Variants in CNTNAP2 observed in about 807,000 individuals in gnomAD.
CNTNAP2 encodes the protein contactin-associated protein-like 2.
Under a neutral mutation model 155.2 loss-of-function variants are expected in CNTNAP2, and 98 were observed. That is an observed-to-expected ratio of 0.63 (90% CI 0.54 to 0.75). CNTNAP2 has a LOEUF of 0.75. CNTNAP2 is among the 30% of genes least tolerant of loss of function. CNTNAP2 has a pLI of 0.00. For synonymous variants in CNTNAP2, 651 were observed against 631.2 expected, an observed-to-expected ratio of 1.03 and a Z score of -0.47; for missense variants, 1,727 against 1,688.1, an observed-to-expected ratio of 1.02 and a Z score of -0.40.
At chr7:148,038,334 C>T (rs918437108) in intron 15 of CNTNAP2, among the ~76,000 whole-genome samples, 3 of 152,250 alleles carry the variant, frequency 2.0e-5, no homozygotes, top group Non-Finnish European at 4.4e-5. Context: ...GAATCTGTAC[C>T]TTTCCCAAGC....
At chr7:146,130,601 G>C (rs1328286071) in intron 1 of CNTNAP2, among the ~76,000 whole-genome samples, 1 of 152,200 alleles carries the variant, frequency 6.6e-6, no homozygotes, top group Non-Finnish European at 1.5e-5. Flanking sequence ...TATTGAAACA[G>C]CAAGCATTTT....
chr7:146,440,427 C>T (rs1639447), intron 1 of CNTNAP2, among the ~76,000 whole-genome samples: 5,639 of 151,336 alleles, frequency 0.037, 604 homozygotes, highest in African/African-American at 0.13. Context: ...TGACATTCAA[C>T]TTAAAATCCA....
intron 15 of CNTNAP2, among the ~76,000 whole-genome samples, chr7:148,105,432 G>A (rs911831459): frequency 7.2e-5 from 11 of 152,148 alleles, no homozygotes; most frequent in African/African-American, 2.7e-4. Flanking sequence ...CTGAGGCTAG[G>A]AGTAGAAAGA....
intron 1 of CNTNAP2, among the ~76,000 whole-genome samples, chr7:146,579,255 G>T (rs1032381154): frequency 1.3e-5 from 2 of 151,870 alleles, no homozygotes; most frequent in Admixed American, 6.6e-5. Flanking sequence ...TTTTAATTAA[G>T]TCTCAAACAG....
At chr7:148,368,959 C>A (rs367774040) in intron 21 of CNTNAP2, among the ~76,000 whole-genome samples, 1 of 152,104 alleles carries the variant, frequency 6.6e-6, no homozygotes, top group Admixed American at 6.5e-5. Flanking sequence ...GGGTCTGGTT[C>A]CTAGGCACTG....
At chr7:147,501,866 T>G (rs1465154258) in intron 11 of CNTNAP2, among the ~76,000 whole-genome samples, 1 of 152,156 alleles carries the variant, frequency 6.6e-6, no homozygotes, top group Non-Finnish European at 1.5e-5. Context: ...AACAAGCAAA[T>G]TCAGTAAAGT....
intron 1 of CNTNAP2, among the ~76,000 whole-genome samples, chr7:146,366,004 G>A (rs2129101839): frequency 6.6e-6 from 1 of 152,150 alleles, no homozygotes; most frequent in Middle Eastern, 3.4e-3. Flanking sequence ...CTATAATAAT[G>A]GGAGTATCCT....
chr7:146,349,049 ATAGTAAGTTAC>A (rs1794872610), intron 1 of CNTNAP2, among the ~76,000 whole-genome samples: 3 of 152,160 alleles, frequency 2.0e-5, no homozygotes, highest in Non-Finnish European at 4.4e-5. Flanking sequence ...CTGTTAGTTC[ATAGTAAGTTAC>A]CACAAGGCCT....
intron 4 of CNTNAP2, among the ~76,000 whole-genome samples, chr7:147,100,610 T>G (rs1800633263): frequency 6.6e-6 from 1 of 152,228 alleles, no homozygotes; most frequent in African/African-American, 2.4e-5. Flanking sequence ...CATGTTATGT[T>G]TAAACCATTT....
intron 1 of CNTNAP2, among the ~76,000 whole-genome samples, chr7:146,523,368 G>T (rs1401766415): frequency 6.6e-6 from 1 of 151,952 alleles, no homozygotes; most frequent in Non-Finnish European, 1.5e-5. Flanking sequence ...GACAAAATAT[G>T]ACTCCTTTTA....
At chr7:147,660,950 C>G (rs1389774406) in intron 13 of CNTNAP2, among the ~76,000 whole-genome samples, 1 of 152,144 alleles carries the variant, frequency 6.6e-6, no homozygotes, top group Non-Finnish European at 1.5e-5. Flanking sequence ...TCAGAATTCT[C>G]ATGCCCCCCT....
intron 1 of CNTNAP2, among the ~76,000 whole-genome samples, chr7:146,166,374 T>G (rs1798312652): frequency 6.6e-6 from 1 of 152,158 alleles, no homozygotes; most frequent in Non-Finnish European, 1.5e-5. Flanking sequence ...ATTACAGGCG[T>G]GAGCCACCAC....
intron 10 of CNTNAP2, among the ~76,000 whole-genome samples, chr7:147,420,290 G>A (rs2116506452): frequency 6.6e-6 from 1 of 152,224 alleles, no homozygotes; most frequent in Non-Finnish European, 1.5e-5. Flanking sequence ...AAGGTATTAG[G>A]TATAATTTTT....
chr7:148,374,621 C>T (rs1450719559), intron 21 of CNTNAP2, among the ~76,000 whole-genome samples: 3 of 152,108 alleles, frequency 2.0e-5, no homozygotes, highest in Non-Finnish European at 2.9e-5. Flanking sequence ...TTAGCAGAAG[C>T]GGAGCACACA....
intron 10 of CNTNAP2, among the ~76,000 whole-genome samples, chr7:147,448,987 A>G (rs1030525653): frequency 2.7e-5 from 4 of 146,786 alleles, no homozygotes; most frequent in African/African-American, 9.9e-5. Context: ...GTTCTAAATC[A>G]TGAAAACACT....
At chr7:146,304,157 G>C (rs193026073) in intron 1 of CNTNAP2, among the ~76,000 whole-genome samples, 72 of 140,360 alleles carry the variant, frequency 5.1e-4, no homozygotes, top group Admixed American at 1.2e-3. Flanking sequence ...TTGAGCCTAT[G>C]TGTGTCTCTG....
At chr7:148,145,562 C>A (rs968383460) in intron 16 of CNTNAP2, among the ~76,000 whole-genome samples, 2 of 152,182 alleles carry the variant, frequency 1.3e-5, no homozygotes, top group Admixed American at 1.3e-4. Context: ...ATGAAACAAT[C>A]TTTCCTACTT....
intron 8 of CNTNAP2, among the ~76,000 whole-genome samples, chr7:147,274,341 C>A (rs1804842894): frequency 6.6e-6 from 1 of 152,070 alleles, no homozygotes; most frequent in African/African-American, 2.4e-5. Flanking sequence ...TTAGTAATAG[C>A]CATTCTGACT....
At chr7:148,144,636 G>A (rs1805141354) in intron 16 of CNTNAP2, among the ~76,000 whole-genome samples, 1 of 152,182 alleles carries the variant, frequency 6.6e-6, no homozygotes, top group Non-Finnish European at 1.5e-5. Context: ...TGATACTCAT[G>A]GAAAGGCAAC....
Sources: gnomAD v4.1 joint callset for allele counts (sites outside exome capture counted in the v4.1 genomes callset) on GRCh38, gnomAD v4.1.1 for gene constraint, MANE v1.5 for transcripts, NCBI Gene and HGNC (gene_info 2026-07-23, HGNC 2026-07-21) for gene names.